The following LAMC1 variants were observed in gnomAD, a reference collection of about 807,000 sequenced individuals.
LAMC1 encodes the protein laminin subunit gamma 1.
LAMC1 carries 38 observed loss-of-function variants against 173.6 expected under a neutral mutation model. The observed-to-expected ratio is 0.22, with a 90% CI of 0.17 to 0.29. The LOEUF (loss-of-function observed/expected upper bound fraction) is 0.29. Ranked by LOEUF, LAMC1 falls within the 10% of genes least tolerant of loss-of-function variation. LAMC1 has a pLI of 1.00. For synonymous variants in LAMC1, 746 were observed against 749.1 expected (o/e 1.00, Z 0.07); for missense variants, 1,824 against 2,051.8 (o/e 0.89, Z 2.14).
intron 10 of LAMC1, 106 bp downstream of exon 10, chr1:183,117,829 G>C: frequency 9.7e-7 from 1 of 1,026,896 alleles, no homozygotes; most frequent in South Asian, 1.6e-5. Context: ...AAAACTTCTG[G>C]GTTATTGTGG....
At chr1:183,033,411 A>G (rs1384253688) in intron 1 of LAMC1, among the ~76,000 whole-genome samples, 1 of 152,198 alleles carries the variant, frequency 6.6e-6, no homozygotes, top group South Asian at 2.1e-4. Context: ...TTGATGCTTC[A>G]TCGTTTGATG....
chr1:183,077,383 G>C (rs939368508), intron 1 of LAMC1, among the ~76,000 whole-genome samples: 1 of 152,146 alleles, frequency 6.6e-6, no homozygotes, highest in Non-Finnish European at 1.5e-5. Context: ...TCTCAGTGCT[G>C]TTCTGATGAC....
chr1:183,034,668 A>G (rs1371104024), intron 1 of LAMC1, among the ~76,000 whole-genome samples: 1 of 152,216 alleles, frequency 6.6e-6, no homozygotes, highest in Non-Finnish European at 1.5e-5. Context: ...ATCTTGAAGA[A>G]AAGTAATAGA....
At chr1:183,046,331 T>C (rs559389520) in intron 1 of LAMC1, among the ~76,000 whole-genome samples, 1 of 152,090 alleles carries the variant, frequency 6.6e-6, no homozygotes, top group Non-Finnish European at 1.5e-5. Flanking sequence ...TGCTTATCCA[T>C]GTAAAATTTA....
intron 1 of LAMC1, among the ~76,000 whole-genome samples, chr1:183,043,408 T>C (rs1027914249): frequency 6.6e-6 from 1 of 152,208 alleles, no homozygotes; most frequent in Non-Finnish European, 1.5e-5. Context: ...TATGGACTTA[T>C]ATCACATTTG....
Position 183,136,491 on chromosome 1 carries a change from A to G in LAMC1, c.4220A>G (p.Glu1407Gly). 6.2e-7 allele frequency: 1 copy of G among 1,614,182 alleles called. No homozygotes were observed. Residue 1407 changes from glutamate to glycine, a missense_variant, in exon 25 of 28, where the codon GAA becomes GGA. By Grantham distance (98) the Glu-to-Gly change is moderately conservative. Coordinates refer to ENST00000258341, the MANE Select transcript of LAMC1 (RefSeq NM_002293.4). ...ACTGAAGCCAATGAAAAGACCAGAG[A>G]AGCCCAGCAGGCCCTGGGCAGTGCT... The part of the protein sequence containing the change: ...TITEANEKTR[E>G]AQQALGSAAA...
chr1:183,142,242 A>G (rs997222573), intron 27 of LAMC1, among the ~76,000 whole-genome samples: 2 of 152,250 alleles, frequency 1.3e-5, no homozygotes, highest in African/African-American at 4.8e-5. Context: ...GGTCTAGAAC[A>G]TGGTAGCTGT....
rs764328341 is a variant in LAMC1, at chr1:183,023,897, G to T, written c.181G>T (p.Val61Leu). ...CGAGTTCGTCAACGCCGCCTTCAACGTGACTGTGGTGGCCACCAACACGTG... is the reference window on the plus strand; with the variant it reads ...CGAGTTCGTCAACGCCGCCTTCAACTTGACTGTGGTGGCCACCAACACGTG... The part of the protein sequence containing the change: ...MPEFVNAAFN[V>L]TVVATNTCGT... Residue 61 changes from valine to leucine, a missense_variant, in exon 1 of 28, where the codon GTG becomes TTG. By Grantham distance (32) the Val-to-Leu change is conservative. Transcript: ENST00000258341. The T allele has an allele frequency of 1.2e-5, 19 of 1,612,890 alleles. No individual in the cohort carries two copies. The highest frequency in any genetic ancestry group is 1.5e-5 in the Non-Finnish European group (18 of 1,179,812).
chr1:183,127,131 T>A, intron 16 of LAMC1, 95 bp from the exon 17 acceptor site: 4 of 1,174,286 alleles, frequency 3.4e-6, no homozygotes, highest in Non-Finnish European at 4.8e-6. Context: ...GACAGTATAG[T>A]CAGCTTATAG....
chr1:183,118,995 T>TCAAGCGATTCTCCTGCTC (rs1335585101), intron 11 of LAMC1, among the ~76,000 whole-genome samples: 1 of 151,982 alleles, frequency 6.6e-6, no homozygotes, highest in Non-Finnish European at 1.5e-5. Flanking sequence ...GCCTCCTGGT[T>TCAAGCGATTCTCCTGCTC]CAAGCGATTC....
chr1:183,078,279 C>CTAA (rs933523309), intron 1 of LAMC1, among the ~76,000 whole-genome samples: 30 of 152,140 alleles, frequency 2.0e-4, no homozygotes, highest in African/African-American at 7.2e-4. Context: ...AGGGAGGGAA[C>CTAA]TAAACCTTTA....
chr1:183,133,984 A>T (rs1656869672), intron 22 of LAMC1, among the ~76,000 whole-genome samples: 2 of 152,184 alleles, frequency 1.3e-5, no homozygotes, highest in African/African-American at 4.8e-5. Flanking sequence ...GTAGACATTT[A>T]CTCCCAGGCT....
chr1:183,119,527 A>G (rs1025469828), intron 11 of LAMC1, among the ~76,000 whole-genome samples: 11 of 152,296 alleles, frequency 7.2e-5, no homozygotes, highest in Middle Eastern at 6.8e-3. Flanking sequence ...AGTTAAGTCC[A>G]TGCTCTAAGA....
chr1:183,121,697 G>T (rs1656478913), intron 11 of LAMC1, 26 bp from the exon 12 acceptor site: 4 of 1,586,446 alleles, frequency 2.5e-6, no homozygotes, highest in South Asian at 1.1e-5. Flanking sequence ...CCAGTTCAGT[G>T]ATTTTCTTTT....
intron 8 of LAMC1, 85 bp from the exon 9 acceptor site, chr1:183,117,235 C>T: frequency 6.9e-7 from 1 of 1,442,846 alleles, no homozygotes; most frequent in Non-Finnish European, 9.4e-7. Context: ...AAGGTGTGGT[C>T]TTACACATTT....
At chr1:183,041,889 C>T (rs774523294) in intron 1 of LAMC1, among the ~76,000 whole-genome samples, 3 of 152,110 alleles carry the variant, frequency 2.0e-5, no homozygotes, top group Non-Finnish European at 4.4e-5. Flanking sequence ...GCTATGGACA[C>T]AGAATGCAGA....
chr1:183,110,423 T>C, intron 3 of LAMC1, 65 bp from the exon 4 acceptor site: 1 of 1,299,430 alleles, frequency 7.7e-7, no homozygotes, highest in Non-Finnish European at 1.1e-6. Context: ...GTACATAGTT[T>C]TTCTGTGTGC....
chr1:183,118,527 A>G lies in LAMC1; in HGVS notation c.1990+381A>G, dbSNP rs545921402. Reference sequence around the variant, plus strand: ...CACTTGAGGCCAGGAGTTTGAGACCAGCCTGGCCAACATGGTGGAACCCCG... The same window carrying G: ...CACTTGAGGCCAGGAGTTTGAGACCGGCCTGGCCAACATGGTGGAACCCCG... On this transcript the variant is annotated intron_variant, in intron 11 of 27. Coordinates refer to ENST00000258341, the MANE Select transcript of LAMC1 (RefSeq NM_002293.4). Among the ~76,000 whole-genome samples, 6 of 152,250 alleles carry G rather than the reference A, an allele frequency of 3.9e-5. No individual in the cohort carries two copies. In the East Asian group the frequency reaches 1.2e-3, roughly 29 times the overall value.
At position 183,144,616 on chromosome 1, in the gene LAMC1, C is replaced by G. The variant is rs1414172725; in HGVS notation, c.*1826C>G. ...TGCAGCACGGTGGTTTTACAATGTTCCAGAGCAGGAACGCCAGGTTGACAA... is the reference window on the plus strand; with the variant it reads ...TGCAGCACGGTGGTTTTACAATGTTGCAGAGCAGGAACGCCAGGTTGACAA... On this transcript the variant is annotated 3_prime_UTR_variant, in exon 28 of 28. Transcript: ENST00000258341. 1 of 152,152 alleles carries G rather than the reference C, an allele frequency of 6.6e-6. No individual in the cohort carries two copies. Among genetic ancestry groups the G allele is most frequent in the Non-Finnish European group, 1.5e-5 (1 of 68,050 alleles). The allele number at this position is 152,152 out of a possible 1,614,324, so 9.4% of individuals were successfully genotyped here.
Sources: allele counts gnomAD v4.1 joint callset (sites outside exome capture counted in the v4.1 genomes callset), GRCh38; gene constraint gnomAD v4.1.1; transcripts MANE v1.5; gene names NCBI Gene and HGNC (gene_info 2026-07-23, HGNC 2026-07-21).